CDH10: variants seen among roughly 807,000 people sequenced by gnomAD.
The protein encoded by CDH10 is cadherin 10.
CDH10 carries 30 observed loss-of-function variants against 73.1 expected under a neutral mutation model. That is an observed-to-expected ratio of 0.41 (90% CI 0.31 to 0.56). The LOEUF is 0.56. CDH10 is among the 20% of genes least tolerant of loss of function. CDH10 has a pLI of 0.27. For synonymous variants in CDH10, 345 were observed against 348.2 expected, an observed-to-expected ratio of 0.99 and a Z score of 0.10; for missense variants, 815 against 973.7, an observed-to-expected ratio of 0.84 and a Z score of 2.17.
chr5:24,599,678 A>G (rs1746496504), intron 1 of CDH10, among the ~76,000 whole-genome samples: 2 of 152,242 alleles, frequency 1.3e-5, no homozygotes, highest in Admixed American at 6.6e-5. Flanking sequence ...CAAAAGTATA[A>G]ACATGGAGAT....
At position 24,510,142 on chromosome 5, in the gene CDH10, G is replaced by A. The variant is rs150984750; in HGVS notation, c.1003-323C>T. Among the ~76,000 whole-genome samples the A allele has an allele frequency of 8.1e-4, 123 of 152,266 alleles. 1 individual carries two copies. Among genetic ancestry groups the A allele is most frequent in the African/African-American group, 2.8e-3 (116 of 41,564 alleles). ...GCTAATGGATGTTGCATGTGTTTGC[G>A]TGTGAATGTGCACGTGCAAAGGTGT... On this transcript the variant is annotated intron_variant, in intron 6 of 11. Coordinates refer to ENST00000264463, the MANE Select transcript of CDH10 (RefSeq NM_006727.5).
At chr5:24,612,094 G>C (rs1746968163) in intron 1 of CDH10, 1 of 152,150 alleles carries the variant, frequency 6.6e-6, no homozygotes. Flanking sequence ...TTGTTTTAAA[G>C]AGCTAAATTT....
intron 1 of CDH10, among the ~76,000 whole-genome samples, chr5:24,599,316 A>G (rs1746479990): frequency 6.6e-6 from 1 of 152,116 alleles, no homozygotes; most frequent in Non-Finnish European, 1.5e-5. Context: ...CTGTAAAACA[A>G]TGAGTGAAGA....
intron 1 of CDH10, among the ~76,000 whole-genome samples, chr5:24,631,277 G>T (rs58400372): frequency 6.6e-6 from 1 of 151,998 alleles, no homozygotes; most frequent in East Asian, 1.9e-4. Flanking sequence ...ATAGTATATT[G>T]TAATTTCTGA....
chr5:24,560,873 T>C (rs1744935736), intron 2 of CDH10, among the ~76,000 whole-genome samples: 1 of 152,128 alleles, frequency 6.6e-6, no homozygotes, highest in Non-Finnish European at 1.5e-5. Context: ...TATTTACTAA[T>C]ATGCCTTTTT....
chr5:24,488,125 T>C lies in CDH10; in HGVS notation c.1905A>G (p.Lys635=), dbSNP rs775792413. Residue 635 remains lysine, a synonymous_variant, in exon 12 of 12, where the codon AAA becomes AAG. Transcript: ENST00000264463. ...LVIVVLFAAL[K]RQRKKEPLIL... ...TCAGAGGCTCTTTTTTTCGCTGTCTTTTCAGAGCTGCAAACAGTACTACTA... is the reference window on the plus strand; with the variant it reads ...TCAGAGGCTCTTTTTTTCGCTGTCTCTTCAGAGCTGCAAACAGTACTACTA... The C allele has an allele frequency of 6.2e-7, 1 of 1,612,346 alleles. No individual in the cohort carries two copies. The highest frequency in any genetic ancestry group is 1.3e-5 in the African/African-American group (1 of 74,772).
rs1744754746 is a variant in CDH10, at chr5:24,555,934, T to A, written c.232-18260A>T. On this transcript the variant is annotated intron_variant, in intron 2 of 11. Transcript: ENST00000264463. ...TTACTATACCTCAAAGATAATAAGC[T>A]TGATGCTAGGTAGTGATATCCAATT... 2.0e-5 allele frequency among the ~76,000 whole-genome samples: 3 copies of A among 152,266 alleles called. No homozygotes were observed. The South Asian group carries it at 6.2e-4, about 32-fold the overall frequency.
intron 5 of CDH10, among the ~76,000 whole-genome samples, chr5:24,514,408 C>A (rs147859118): frequency 6.6e-6 from 1 of 152,278 alleles, no homozygotes; most frequent in African/African-American, 2.4e-5. Flanking sequence ...ACTTTTCCTA[C>A]CTCAACACTT....
At chr5:24,556,917 C>T (rs780153003) in intron 2 of CDH10, among the ~76,000 whole-genome samples, 7 of 151,494 alleles carry the variant, frequency 4.6e-5, no homozygotes, top group Non-Finnish European at 8.9e-5. Context: ...TATATATATT[C>T]CCAATTACTT....
intron 2 of CDH10, among the ~76,000 whole-genome samples, chr5:24,590,981 G>A (rs934553611): frequency 5.3e-5 from 8 of 152,004 alleles, no homozygotes; most frequent in South Asian, 2.1e-4. Flanking sequence ...AAGAAAATAT[G>A]ACTGTGATAA....
chr5:24,495,962 C>G (rs1185083367), intron 9 of CDH10, among the ~76,000 whole-genome samples: 3 of 151,772 alleles, frequency 2.0e-5, no homozygotes, highest in Non-Finnish European at 4.4e-5. Flanking sequence ...TTTCACTGGG[C>G]TATTCTGAAA....
intron 7 of CDH10, among the ~76,000 whole-genome samples, chr5:24,507,963 C>G (rs1353433819): frequency 2.6e-5 from 4 of 152,136 alleles, no homozygotes; most frequent in Non-Finnish European, 5.9e-5. Flanking sequence ...TCATAAAATA[C>G]ATGATTTCAC....
At chr5:24,633,381 A>G (rs1747764825) in intron 1 of CDH10, among the ~76,000 whole-genome samples, 1 of 151,900 alleles carries the variant, frequency 6.6e-6, no homozygotes, top group East Asian at 1.9e-4. Context: ...TTGTTTTAGA[A>G]TGTATAAAAA....
rs748826661 is a variant in CDH10 at position 24,488,195 on chromosome 5, A to G, written c.1877-42T>C. On this transcript the variant is annotated intron_variant, in intron 11 of 11. Transcript: ENST00000264463. ...AAGATACATTAGACGTCCGTTCAAA[A>G]CACTATAAATAACGAGTGGAAATAC... 3.3e-6 allele frequency: 5 copies of G among 1,502,992 alleles called. No homozygotes were observed. In the East Asian group the frequency reaches 1.1e-4, roughly 34 times the overall value. 93.1% of individuals were successfully genotyped at this position (1,502,992 alleles called of 1,614,324 possible).
chr5:24,491,818 G>A lies in CDH10; in HGVS notation c.1634C>T (p.Ala545Val), dbSNP rs2111641954. 1 of 1,593,234 alleles carries A rather than the reference G, an allele frequency of 6.3e-7. No homozygotes were observed. The highest frequency in any genetic ancestry group is 8.6e-7 in the Non-Finnish European group (1 of 1,162,952). ...TCCATTTTTTCTGGTTAAGATTCTG[G>A]CAGTATTATCTAAAACAAATTTTAA... The part of the protein sequence containing the change: ...FTVQDNEDNT[A>V]RILTRKNGFN... Residue 545 changes from alanine to valine, a missense_variant, in exon 11 of 12, where the codon GCC (alanine) becomes GTC (valine). Ala to Val is a moderately conservative substitution (Grantham distance 64, BLOSUM62 0). Around this residue, in one of 3 missense-constraint regions of CDH10, gnomAD observed 516 missense variants for 636.6 expected, o/e 0.81. Coordinates refer to ENST00000264463, the MANE Select transcript of CDH10 (RefSeq NM_006727.5).
At chr5:24,639,635 T>C (rs1311699241) in intron 1 of CDH10, among the ~76,000 whole-genome samples, 1 of 151,814 alleles carries the variant, frequency 6.6e-6, no homozygotes, top group Admixed American at 6.6e-5. Flanking sequence ...GGTAGTTCTT[T>C]ACAACATTTG....
At chr5:24,527,029 A>C (rs1743557731) in intron 5 of CDH10, among the ~76,000 whole-genome samples, 1 of 151,458 alleles carries the variant, frequency 6.6e-6, no homozygotes, top group African/African-American at 2.4e-5. Flanking sequence ...TATTCATTTT[A>C]GAAGTAGTTT....
chr5:24,533,888 G>C (rs1743841968), intron 5 of CDH10, among the ~76,000 whole-genome samples: 1 of 152,052 alleles, frequency 6.6e-6, no homozygotes. Flanking sequence ...CAGCAGACCT[G>C]ATGGGCATAC....
intron 2 of CDH10, among the ~76,000 whole-genome samples, chr5:24,581,704 C>T (rs1423572654): frequency 6.6e-6 from 1 of 152,088 alleles, no homozygotes. Context: ...ACTTGAAAAA[C>T]TTCAATACGT....
Sources: gnomAD v4.1 joint callset for allele counts (sites outside exome capture counted in the v4.1 genomes callset) on GRCh38, gnomAD v4.1.1 for gene constraint, gnomAD v4.1.1 regional missense constraint, MANE v1.5 for transcripts, NCBI Gene and HGNC (gene_info 2026-07-23, HGNC 2026-07-21) for gene names.